The following ZFAT variants were observed in gnomAD, a reference collection of about 807,000 sequenced individuals.
The protein encoded by ZFAT is zinc finger and AT-hook domain containing.
In ZFAT, 64 loss-of-function variants were observed where a neutral mutation model predicts 117.7. That is an observed-to-expected ratio of 0.54 (90% CI 0.44 to 0.67). ZFAT has a LOEUF of 0.67. ZFAT is among the 30% of genes least tolerant of loss of function. The pLI is 0.00. For missense variants in ZFAT, 1,433 were observed against 1,584.5 expected, an observed-to-expected ratio of 0.90 and a Z score of 1.62; for synonymous variants, 679 against 615.0, an observed-to-expected ratio of 1.10 and a Z score of -1.54.
the ZFAT span, among the ~76,000 whole-genome samples, chr8:134,775,014 A>G: frequency 6.6e-6 from 1 of 152,248 alleles, no homozygotes; most frequent in Non-Finnish European, 1.5e-5. Flanking sequence ...GCTACTCGGG[A>G]GGCTGAGACA....
At chr8:134,568,963 A>T (rs1448502013) in intron 10 of ZFAT, among the ~76,000 whole-genome samples, 2 of 152,228 alleles carry the variant, frequency 1.3e-5, no homozygotes, top group African/African-American at 2.4e-5. Flanking sequence ...GATTGACCTC[A>T]GAGTGCTGGG....
At chr8:134,657,900 CATCTTCAGGGAG>C (rs1831707292) in intron 1 of ZFAT, among the ~76,000 whole-genome samples, 163 bp from the exon 2 acceptor site, 3 of 152,310 alleles carry the variant, frequency 2.0e-5, no homozygotes, top group Middle Eastern at 3.4e-3. Context: ...CACTCACTTT[CATCTTCAGGGAG>C]ATCCAGGGGC....
the ZFAT span, among the ~76,000 whole-genome samples, chr8:134,777,292 A>G: frequency 6.6e-6 from 1 of 152,192 alleles, no homozygotes; most frequent in South Asian, 2.1e-4. Flanking sequence ...ATCTTCTCCA[A>G]AGAGGAAAGA....
chr8:134,723,200 C>T, the ZFAT span: 1 of 152,292 alleles, frequency 6.6e-6, no homozygotes, highest in South Asian at 2.1e-4. Context: ...AACAGGGATT[C>T]CTGTGAGCTG....
At chr8:134,656,780 T>C (rs937556674) in intron 2 of ZFAT, among the ~76,000 whole-genome samples, 1 of 152,180 alleles carries the variant, frequency 6.6e-6, no homozygotes, top group African/African-American at 2.4e-5. Flanking sequence ...CTGTCCTTTA[T>C]CTTAGTGTTT....
chr8:134,824,554 A>C, the ZFAT span, among the ~76,000 whole-genome samples: 1 of 152,258 alleles, frequency 6.6e-6, no homozygotes, highest in East Asian at 1.9e-4. Flanking sequence ...GCACACTCTC[A>C]GCAAGAGTTT....
chr8:134,631,462 G>C (rs1248319408), intron 3 of ZFAT, among the ~76,000 whole-genome samples: 2 of 152,186 alleles, frequency 1.3e-5, no homozygotes, highest in Non-Finnish European at 2.9e-5. Flanking sequence ...CCCCAAATGA[G>C]TCATGTGACC....
At chr8:134,565,726 G>C (rs1824411714) in intron 10 of ZFAT, 1 of 451,972 alleles carries the variant, frequency 2.2e-6, no homozygotes, top group Non-Finnish European at 4.1e-6. Flanking sequence ...GCTGCCCAGA[G>C]AGAAGGGCAT....
intron 13 of ZFAT, among the ~76,000 whole-genome samples, 186 bp downstream of exon 13, chr8:134,520,697 T>C (rs749948442): frequency 6.6e-6 from 1 of 152,148 alleles, no homozygotes; most frequent in Non-Finnish European, 1.5e-5. Flanking sequence ...TTCACAGGCT[T>C]GGCCCAGATC....
Position 134,595,137 on chromosome 8 carries a change from C to T in ZFAT, c.2476-4782G>A, listed in dbSNP as rs184598564. Among the ~76,000 whole-genome samples, 148 of 152,270 alleles carry T rather than the reference C, an allele frequency of 9.7e-4. 2 individuals are homozygous for T. Among genetic ancestry groups the T allele is most frequent in the Non-Finnish European group, 6.9e-4 (47 of 68,020 alleles). On this transcript the variant is annotated intron_variant, in intron 7 of 15. Transcript: ENST00000377838. ...TATTTAAGGAGACCCACAGGGGTCACCCATCTGACAGCAACACCCAGCACA... is the reference window on the plus strand; with the variant it reads ...TATTTAAGGAGACCCACAGGGGTCATCCATCTGACAGCAACACCCAGCACA...
the ZFAT span, among the ~76,000 whole-genome samples, chr8:134,758,722 C>T: frequency 6.6e-6 from 1 of 152,226 alleles, no homozygotes; most frequent in Admixed American, 6.5e-5. Flanking sequence ...ATCTCATTGG[C>T]CAGGGTTGGG....
At chr8:134,792,382 G>A in the ZFAT span, 1 of 152,170 alleles carries the variant, frequency 6.6e-6, no homozygotes, top group African/African-American at 2.4e-5. Context: ...CTTGTGTTCA[G>A]GAAGTATTAG....
intron 10 of ZFAT, among the ~76,000 whole-genome samples, chr8:134,579,032 C>G (rs1274309916): frequency 6.6e-6 from 1 of 152,176 alleles, no homozygotes; most frequent in Non-Finnish European, 1.5e-5. Flanking sequence ...ATGTGGCACT[C>G]AAAGCCAAAA....
At chr8:134,789,176 GT>G in the ZFAT span, among the ~76,000 whole-genome samples, 1 of 151,968 alleles carries the variant, frequency 6.6e-6, no homozygotes, top group Admixed American at 6.6e-5. Context: ...TAGCCTTTTA[GT>G]GCTTAAGAGA....
At chr8:134,756,889 G>T in the ZFAT span, among the ~76,000 whole-genome samples, 1 of 152,166 alleles carries the variant, frequency 6.6e-6, no homozygotes, top group Non-Finnish European at 1.5e-5. Flanking sequence ...AGATGTGAAG[G>T]TATGTAAAGC....
intron 13 of ZFAT, among the ~76,000 whole-genome samples, chr8:134,514,953 T>TC (rs1820147865): frequency 6.6e-6 from 1 of 152,096 alleles, no homozygotes; most frequent in African/African-American, 2.4e-5. Flanking sequence ...ATGCTATCCC[T>TC]CCCCTAGCCC....
the ZFAT span, among the ~76,000 whole-genome samples, chr8:134,809,858 T>C: frequency 2.0e-5 from 3 of 152,168 alleles, no homozygotes; most frequent in African/African-American, 7.2e-5. Context: ...CGACAGTGAG[T>C]TGAATAGTAG....
chr8:134,719,721 A>C, the ZFAT span, among the ~76,000 whole-genome samples: 2 of 152,206 alleles, frequency 1.3e-5, no homozygotes, highest in African/African-American at 4.8e-5. Context: ...GCAGCACAGA[A>C]CCATCGCTTC....
At chr8:134,780,629 A>T in the ZFAT span, among the ~76,000 whole-genome samples, 1 of 152,236 alleles carries the variant, frequency 6.6e-6, no homozygotes, top group African/African-American at 2.4e-5. Context: ...AAGCTACTTA[A>T]CTTCTCTGAA....
Sources: allele counts gnomAD v4.1 joint callset (sites outside exome capture counted in the v4.1 genomes callset), GRCh38; gene constraint gnomAD v4.1.1; transcripts MANE v1.5; gene names NCBI Gene and HGNC (gene_info 2026-07-23, HGNC 2026-07-21).